Variants in PCDHA3 observed in about 807,000 individuals in gnomAD.
PCDHA3 encodes the protein protocadherin alpha-3.
Under a neutral mutation model 62.2 loss-of-function variants are expected in PCDHA3, and 41 were observed. That is an observed-to-expected ratio of 0.66 (90% CI 0.51 to 0.86). The LOEUF (loss-of-function observed/expected upper bound fraction) is 0.86, where lower values mean the gene tolerates loss of function less well. Ranked by LOEUF, PCDHA3 falls within the 40% of genes least tolerant of loss-of-function variation. The probability of loss-of-function intolerance (pLI) is 0.00; values close to 1 mark genes in which losing one functional copy is unlikely to be tolerated. For synonymous variants in PCDHA3, 640 were observed against 555.4 expected (o/e 1.15, Z -2.14); for missense variants, 1,304 against 1,241.2 (o/e 1.05, Z -0.76).
At chr5:140,829,414 G>C (rs782476572) in intron 1 of PCDHA3, 12 of 1,614,044 alleles carry the variant, frequency 7.4e-6, no homozygotes, top group African/African-American at 6.7e-5. Flanking sequence ...CCGCCAGCTT[G>C]TCTGTGGAGG....
At chr5:140,862,065 G>T (rs2047192939) in intron 1 of PCDHA3, 1 of 155,768 alleles carries the variant, frequency 6.4e-6, no homozygotes, top group African/African-American at 2.4e-5. Flanking sequence ...TGCAACTGAT[G>T]TCTCCCCTAA....
intron 1 of PCDHA3, among the ~76,000 whole-genome samples, chr5:140,821,333 A>T (rs1554128062): frequency 6.6e-6 from 1 of 152,190 alleles, no homozygotes; most frequent in East Asian, 1.9e-4. Flanking sequence ...TCTAGTAAGG[A>T]TTGGGGTTTC....
chr5:140,846,501 A>G (rs1780515725), intron 1 of PCDHA3, among the ~76,000 whole-genome samples: 1 of 146,172 alleles, frequency 6.8e-6, no homozygotes. Flanking sequence ...CAGCCTCCCA[A>G]GTAGCTGGGA....
At chr5:140,875,336 G>C in intron 1 of PCDHA3, 1 of 1,438,564 alleles carries the variant, frequency 7.0e-7, no homozygotes, top group Non-Finnish European at 9.1e-7. Flanking sequence ...GAATAGGATC[G>C]ACTCCATAAT....
chr5:140,856,327 G>C, intron 1 of PCDHA3: 1 of 1,598,708 alleles, frequency 6.3e-7, no homozygotes, highest in Non-Finnish European at 8.6e-7. Flanking sequence ...ACCGCGAGGA[G>C]CTGTGCGGGC....
At chr5:140,993,107 A>G (rs2097540621) in intron 3 of PCDHA3, among the ~76,000 whole-genome samples, 1 of 152,218 alleles carries the variant, frequency 6.6e-6, no homozygotes, top group South Asian at 2.1e-4. Context: ...TTCAGCGGTC[A>G]GTGTCACATC....
In PCDHA3 at chr5:140,858,035, ACTGTG is replaced by A. The variant is rs564025916; in HGVS notation, c.2394+54447_2394+54451del. On this transcript the variant is annotated intron_variant, in intron 1 of 3. Transcript: ENST00000522353. Reference sequence around the variant, plus strand: ...CGAGCCGTCGCTGACGGCCACGGCCACTGTGCTTGTGTCGCTTGTGGAGGGCAGCC... The same window carrying A: ...CGAGCCGTCGCTGACGGCCACGGCCACTTGTGTCGCTTGTGGAGGGCAGCC... The A allele has an allele frequency of 2.7e-4, 428 of 1,597,220 alleles. 17 individuals are homozygous for A. The African/African-American group carries it at 5.1e-3, about 19-fold the overall frequency.
chr5:140,941,202 C>CTTTCTTTCTTTCTCT (rs1554213921), intron 1 of PCDHA3, among the ~76,000 whole-genome samples: 1 of 122,742 alleles, frequency 8.1e-6, no homozygotes, highest in African/African-American at 3.0e-5. Context: ...TTTCTTTCTT[C>CTTTCTTTCTTTCTCT]CTTTCTTTCT....
intron 1 of PCDHA3, chr5:140,807,164 A>C (rs1554123761): frequency 3.8e-6 from 6 of 1,595,068 alleles, no homozygotes. Flanking sequence ...ATATTTAATC[A>C]GAACAAAATA....
chr5:140,863,411 T>G, intron 1 of PCDHA3: 4 of 754,032 alleles, frequency 5.3e-6, no homozygotes, highest in African/African-American at 1.8e-5. Context: ...CCCACGCTGG[T>G]GTACCGCAGC....
At chr5:140,923,275 C>CA (rs1328074482) in intron 1 of PCDHA3, among the ~76,000 whole-genome samples, 5 of 152,128 alleles carry the variant, frequency 3.3e-5, no homozygotes, top group African/African-American at 9.7e-5. Flanking sequence ...CTTGTCTCTA[C>CA]AAAAAATTAA....
intron 3 of PCDHA3, among the ~76,000 whole-genome samples, chr5:140,990,932 G>A (rs1161440839): frequency 6.6e-6 from 1 of 152,154 alleles, no homozygotes; most frequent in African/African-American, 2.4e-5. Flanking sequence ...ATCCCATACT[G>A]TTGCCTCCTG....
intron 1 of PCDHA3, among the ~76,000 whole-genome samples, chr5:140,931,051 G>A (rs1460771235): frequency 6.6e-6 from 1 of 152,134 alleles, no homozygotes; most frequent in African/African-American, 2.4e-5. Flanking sequence ...AAACTTCAAT[G>A]CTGTGTCTGG....
At chr5:140,928,204 G>A (rs1554205615) in intron 1 of PCDHA3, 4 of 1,614,236 alleles carry the variant, frequency 2.5e-6, no homozygotes, top group Middle Eastern at 1.6e-4. Flanking sequence ...AGTTGCTGAT[G>A]TGAATGACAA....
At chr5:140,849,627 G>C in intron 1 of PCDHA3, 1 of 1,598,784 alleles carries the variant, frequency 6.3e-7, no homozygotes, top group Non-Finnish European at 8.6e-7. Context: ...GATCGACCTA[G>C]ACGCAGATGC....
chr5:140,980,762 T>C (rs1293384140), intron 2 of PCDHA3, among the ~76,000 whole-genome samples: 2 of 152,090 alleles, frequency 1.3e-5, no homozygotes, highest in Non-Finnish European at 2.9e-5. Context: ...AGAAATAAAA[T>C]AAAAATTGAA....
At chr5:140,851,758 C>A (rs1554145527) in intron 1 of PCDHA3, 1 of 969,910 alleles carries the variant, frequency 1.0e-6, no homozygotes, top group Non-Finnish European at 1.2e-6. Flanking sequence ...TAACTTAAAA[C>A]ATTACCCTTA....
intron 1 of PCDHA3, among the ~76,000 whole-genome samples, chr5:140,947,064 A>G (rs1554218040): frequency 6.6e-6 from 1 of 151,738 alleles, no homozygotes; most frequent in African/African-American, 2.4e-5. Flanking sequence ...TACACAGTGT[A>G]TATATGTATT....
intron 1 of PCDHA3, among the ~76,000 whole-genome samples, chr5:140,891,690 C>T (rs12518591): frequency 0.01 from 1,559 of 152,280 alleles, 92 homozygotes; most frequent in Admixed American, 0.092. Context: ...TCTCTTCTTG[C>T]TGTTGTCTGA....
Sources: gnomAD v4.1 joint callset for allele counts (sites outside exome capture counted in the v4.1 genomes callset) on GRCh38, gnomAD v4.1.1 for gene constraint, MANE v1.5 for transcripts, NCBI Gene and HGNC (gene_info 2026-07-23, HGNC 2026-07-21) for gene names.